Variants in CRHR1 observed in about 807,000 individuals in gnomAD.
CRHR1 encodes the protein corticotropin-releasing hormone receptor 1.
CRHR1 carries 28 observed loss-of-function variants against 56.0 expected under a neutral mutation model. That is an observed-to-expected ratio of 0.50 (90% CI 0.37 to 0.69). The LOEUF is 0.69. CRHR1 is among the 30% of genes least tolerant of loss of function. The pLI is 0.00. For missense variants in CRHR1, 376 were observed against 548.0 expected, an observed-to-expected ratio of 0.69 and a Z score of 3.13; for synonymous variants, 195 against 216.5, an observed-to-expected ratio of 0.90 and a Z score of 0.87.
chr17:45,799,519 T>C (rs772067302), intron 1 of CRHR1: 1 of 152,228 alleles, frequency 6.6e-6, no homozygotes, highest in Non-Finnish European at 1.5e-5. Flanking sequence ...CTGAACACAG[T>C]GCAAAGCAAA....
intron 3 of CRHR1, 122 bp downstream of exon 3, chr17:45,816,704 CCT>C: frequency 4.8e-6 from 7 of 1,472,818 alleles, no homozygotes; most frequent in Non-Finnish European, 6.4e-6. Flanking sequence ...GGGGATCGCC[CCT>C]GTTTTCCAAA....
chr17:45,789,192 A>C (rs1258718163), intron 1 of CRHR1, among the ~76,000 whole-genome samples: 1 of 152,204 alleles, frequency 6.6e-6, no homozygotes, highest in East Asian at 1.9e-4. Flanking sequence ...GATCTCTCCC[A>C]GCTCTGATTC....
chr17:45,820,476 A>G (rs2062017469), intron 3 of CRHR1, among the ~76,000 whole-genome samples: 1 of 152,134 alleles, frequency 6.6e-6, no homozygotes, highest in Admixed American at 6.5e-5. Flanking sequence ...CCAGGCATCA[A>G]TTCAGCTCAC....
intron 4 of CRHR1, among the ~76,000 whole-genome samples, chr17:45,824,018 T>C (rs947022089): frequency 6.6e-6 from 1 of 152,134 alleles, no homozygotes; most frequent in Non-Finnish European, 1.5e-5. Flanking sequence ...GCCCTCAGCT[T>C]GCTAAGCCCC....
intron 1 of CRHR1, among the ~76,000 whole-genome samples, chr17:45,806,736 C>A (rs2061727336): frequency 6.6e-6 from 1 of 152,186 alleles, no homozygotes; most frequent in Non-Finnish European, 1.5e-5. Flanking sequence ...TAAAATTCGC[C>A]TCTTCCCTAG....
rs116551317 is a variant in CRHR1, at chr17:45,786,055, T to C, written c.33+1478T>C. Among the ~76,000 whole-genome samples, 920 of 152,066 alleles carry C rather than the reference T, an allele frequency of 6.0e-3. 8 individuals are homozygous for C. Among genetic ancestry groups the C allele is most frequent in the African/African-American group, 0.02 (843 of 41,480 alleles). ...CGCGTGTACCGAAGCCTGGTCTAAA[T>C]GCACAAACCAGTTAGACCAAATTCA... On this transcript the variant is annotated intron_variant, in intron 1 of 12. Coordinates refer to ENST00000314537, the MANE Select transcript of CRHR1 (RefSeq NM_004382.5).
intron 9 of CRHR1, 27 bp from the exon 10 acceptor site, chr17:45,833,425 C>T (rs374438282): frequency 1.9e-5 from 30 of 1,610,836 alleles, no homozygotes; most frequent in Non-Finnish European, 2.4e-5. Flanking sequence ...TTGCACACTC[C>T]GGCCCGCTGG....
intron 1 of CRHR1, among the ~76,000 whole-genome samples, chr17:45,787,748 G>A (rs961215778): frequency 6.6e-6 from 1 of 152,166 alleles, no homozygotes; most frequent in African/African-American, 2.4e-5. Context: ...CTATATCGGT[G>A]CATATCTGGG....
At chr17:45,793,082 A>C (rs949551785) in intron 1 of CRHR1, among the ~76,000 whole-genome samples, 3 of 152,194 alleles carry the variant, frequency 2.0e-5, no homozygotes, top group Admixed American at 6.5e-5. Context: ...TGCTATGGCG[A>C]CAGAAGACAC....
At chr17:45,818,722 C>T (rs926832654) in intron 3 of CRHR1, among the ~76,000 whole-genome samples, 1 of 152,138 alleles carries the variant, frequency 6.6e-6, no homozygotes, top group African/African-American at 2.4e-5. Flanking sequence ...AGTGGGTACC[C>T]AGAGCTGCAC....
chr17:45,817,162 A>C (rs904205424), intron 3 of CRHR1, among the ~76,000 whole-genome samples: 1 of 152,178 alleles, frequency 6.6e-6, no homozygotes, highest in Non-Finnish European at 1.5e-5. Flanking sequence ...CTTGATCCTC[A>C]TGTAAACACC....
At chr17:45,791,833 T>TTCTCTCTC (rs71363555) in intron 1 of CRHR1, among the ~76,000 whole-genome samples, 2 of 127,212 alleles carry the variant, frequency 1.6e-5, no homozygotes, top group Admixed American at 1.6e-4. Context: ...CTCTCTCTCT[T>TTCTCTCTC]TCTCTCTCTC....
intron 2 of CRHR1, among the ~76,000 whole-genome samples, chr17:45,808,390 C>T (rs9912293): frequency 0.022 from 3,313 of 152,198 alleles, 118 homozygotes; most frequent in African/African-American, 0.075. Context: ...GGAGAAGGCA[C>T]ACTGGGTCCC....
At chr17:45,833,373 G>A (rs1448299186) in intron 9 of CRHR1, 79 bp from the exon 10 acceptor site, 2 of 1,503,758 alleles carry the variant, frequency 1.3e-6, no homozygotes, top group Non-Finnish European at 9.2e-7. Flanking sequence ...AGAACAGCAG[G>A]GGCACTGAGG....
chr17:45,803,753 A>AATGCGTGTGT (rs1555650781), intron 1 of CRHR1, among the ~76,000 whole-genome samples: 1 of 75,296 alleles, frequency 1.3e-5, no homozygotes, highest in Admixed American at 1.5e-4. Flanking sequence ...TGAGAGAGAG[A>AATGCGTGTGT]GTGCGTGTGT....
intron 1 of CRHR1, among the ~76,000 whole-genome samples, chr17:45,789,955 G>T (rs1269606987): frequency 2.0e-5 from 3 of 152,216 alleles, no homozygotes; most frequent in Non-Finnish European, 4.4e-5. Context: ...CACACAGTAA[G>T]TGCATAATAA....
rs1568067878 is a variant in CRHR1, at chr17:45,829,214, G to T, written c.328-1G>T. Reference sequence around the variant, plus strand: ...ACCTCTGCCCCTCTCTCCTGCTCCAGAAAAAAAGCAAGGTGCACTACCATG... The same window carrying T: ...ACCTCTGCCCCTCTCTCCTGCTCCATAAAAAAAGCAAGGTGCACTACCATG... On this transcript the variant is annotated splice_acceptor_variant, in intron 4 of 12. Transcript: ENST00000314537. LOFTEE classifies it high-confidence loss of function. The T allele has an allele frequency of 1.2e-6, 2 of 1,613,342 alleles. No individual in the cohort carries two copies. The highest frequency in any genetic ancestry group is 3.3e-5 in the Admixed American group (2 of 59,938).
At chr17:45,833,097 C>T (rs759132023) in intron 8 of CRHR1, 41 bp from the exon 9 acceptor site, 30 of 1,554,824 alleles carry the variant, frequency 1.9e-5, no homozygotes, top group East Asian at 9.0e-5. Flanking sequence ...TCGAGGTGGA[C>T]GCAGATGACC....
intron 1 of CRHR1, among the ~76,000 whole-genome samples, chr17:45,787,526 A>T (rs896737932): frequency 1.3e-5 from 2 of 152,286 alleles, no homozygotes. Flanking sequence ...AATGATTGCA[A>T]CCTCACTCTT....
Sources: gnomAD v4.1 joint callset for allele counts (sites outside exome capture counted in the v4.1 genomes callset) on GRCh38, gnomAD v4.1.1 for gene constraint, MANE v1.5 for transcripts, NCBI Gene and HGNC (gene_info 2026-07-23, HGNC 2026-07-21) for gene names.